PLD1: variants seen among roughly 807,000 people sequenced by gnomAD.
PLD1 encodes phospholipase D1, also known as choline phosphatase 1.
A neutral mutation model predicts 137.1 loss-of-function variants in PLD1; 112 were observed. That is an observed-to-expected ratio of 0.82 (90% CI 0.70 to 0.96). The LOEUF is 0.96. Ranked by LOEUF, PLD1 falls within the 40% of genes least tolerant of loss-of-function variation. The probability of loss-of-function intolerance (pLI) is 0.00; values close to 1 mark genes in which losing one functional copy is unlikely to be tolerated. For synonymous variants in PLD1, 431 were observed against 454.7 expected, an observed-to-expected ratio of 0.95 and a Z score of 0.66; for missense variants, 1,321 against 1,342.0, an observed-to-expected ratio of 0.98 and a Z score of 0.24.
intron 1 of PLD1, among the ~76,000 whole-genome samples, chr3:171,760,466 C>T (rs945648205): frequency 2.0e-5 from 3 of 152,188 alleles, no homozygotes; most frequent in Admixed American, 1.3e-4. Flanking sequence ...TCTCAACACT[C>T]TTATTCTGTT....
intron 25 of PLD1, among the ~76,000 whole-genome samples, chr3:171,610,126 A>T (rs1246538610): frequency 6.6e-6 from 1 of 152,208 alleles, no homozygotes; most frequent in Non-Finnish European, 1.5e-5. Flanking sequence ...TGCCAGTGAT[A>T]TAATAAGAGA....
chr3:171,744,877 A>G (rs1720032708), intron 1 of PLD1, among the ~76,000 whole-genome samples: 1 of 152,238 alleles, frequency 6.6e-6, no homozygotes, highest in Non-Finnish European at 1.5e-5. Flanking sequence ...GCAATAAGAA[A>G]TCCCATAAGA....
intron 3 of PLD1, 76 bp downstream of exon 3, chr3:171,737,456 G>A: frequency 8.2e-7 from 1 of 1,225,170 alleles, no homozygotes. Context: ...AGCTAAGAGG[G>A]AGGAAAATGA....
intron 1 of PLD1, among the ~76,000 whole-genome samples, chr3:171,760,944 A>C (rs1721351761): frequency 6.6e-6 from 1 of 152,260 alleles, no homozygotes; most frequent in Admixed American, 6.5e-5. Flanking sequence ...TTTGAAGAGC[A>C]ACAAAAGCAT....
At chr3:171,632,957 C>T (rs768317861) in intron 23 of PLD1, among the ~76,000 whole-genome samples, 8 of 152,110 alleles carry the variant, frequency 5.3e-5, no homozygotes, top group Admixed American at 3.9e-4. Flanking sequence ...ATAACTCTTA[C>T]GAAGTAATTA....
intron 16 of PLD1, among the ~76,000 whole-genome samples, chr3:171,682,107 A>AG (rs1714028605): frequency 7.6e-6 from 1 of 131,142 alleles, no homozygotes; most frequent in Non-Finnish European, 1.6e-5. Flanking sequence ...ATACAGAAAG[A>AG]AAAAGAAAGA....
intron 1 of PLD1, among the ~76,000 whole-genome samples, chr3:171,808,714 A>G (rs1054575251): frequency 2.0e-5 from 3 of 151,962 alleles, no homozygotes; most frequent in Non-Finnish European, 4.4e-5. Context: ...AAGTCTACAA[A>G]CCTAAATGAG....
intron 1 of PLD1, among the ~76,000 whole-genome samples, chr3:171,746,995 A>T (rs1030932027): frequency 2.6e-5 from 4 of 152,272 alleles, no homozygotes; most frequent in African/African-American, 9.6e-5. Flanking sequence ...CTGCAGTTTT[A>T]CTTCTCAGGC....
chr3:171,601,109 C>A lies in PLD1; in HGVS notation c.*1969G>T, dbSNP rs555029270. The A allele has an allele frequency of 6.6e-6, 1 of 152,350 alleles. No homozygotes were observed. Among genetic ancestry groups the A allele is most frequent in the South Asian group, 2.1e-4 (1 of 4,826 alleles). 9.4% of individuals were successfully genotyped at this position (152,350 alleles called of 1,614,324 possible). On this transcript the variant is annotated 3_prime_UTR_variant, in exon 27 of 27. Transcript: ENST00000351298. The stretch of plus-strand genomic sequence containing the variant: ...ATGATAAAGTGAAGAGAGAGGCCAA[C>A]AATGGGCTGCAGCAATGTTGCTAGT...
rs911112134 is a variant in PLD1, at chr3:171,698,801, T to C, written c.1227+944A>G. 1.1e-3 allele frequency among the ~76,000 whole-genome samples: 63 copies of C among 58,350 alleles called. 2 individuals carry two copies. The East Asian group carries it at 0.022, about 20-fold the overall frequency. 38.3% of individuals were successfully genotyped at this position (58,350 alleles called of 152,430 possible). On this transcript the variant is annotated intron_variant, in intron 12 of 26. Transcript: ENST00000351298. Reference sequence around the variant, plus strand: ...GGTGAAACCCCGTCTCTACTAAAAATACAAAAATACAAAAAAAAAAAAAAA... The same window carrying C: ...GGTGAAACCCCGTCTCTACTAAAAACACAAAAATACAAAAAAAAAAAAAAA...
chr3:171,675,945 T>C (rs1713306173), intron 18 of PLD1, among the ~76,000 whole-genome samples: 1 of 151,212 alleles, frequency 6.6e-6, no homozygotes, highest in Non-Finnish European at 1.5e-5. Flanking sequence ...TGGATTCAAG[T>C]GATTTTCCTG....
chr3:171,710,283 G>T (rs1003806811), intron 9 of PLD1, among the ~76,000 whole-genome samples: 1 of 151,952 alleles, frequency 6.6e-6, no homozygotes, highest in South Asian at 2.1e-4. Context: ...GGATGGTCTC[G>T]ATCTCCTGAC....
rs746438456 is a variant in PLD1 at position 171,709,543 on chromosome 3, G to A, written c.1061+17C>T. 6.2e-7 allele frequency: 1 copy of A among 1,611,324 alleles called. No individual in the cohort carries two copies. Among genetic ancestry groups the A allele is most frequent in the African/African-American group, 1.3e-5 (1 of 74,892 alleles). On this transcript the variant is annotated intron_variant, in intron 10 of 26. Coordinates refer to ENST00000351298, the MANE Select transcript of PLD1 (RefSeq NM_002662.5). ...TGCTATGACTGCCTTGACAGGCTTA[G>A]AGAAATAATAACTTACCATTTAGCT... is the stretch of plus-strand genomic sequence containing the variant.
chr3:171,734,763 G>A (rs1475631899), intron 5 of PLD1, 102 bp downstream of exon 5: 1 of 683,576 alleles, frequency 1.5e-6, no homozygotes, highest in Non-Finnish European at 2.6e-6. Context: ...ATGAGTGGAT[G>A]AGAGGAGTTG....
At chr3:171,786,774 A>G (rs1424718729) in intron 1 of PLD1, among the ~76,000 whole-genome samples, 1 of 152,166 alleles carries the variant, frequency 6.6e-6, no homozygotes, top group African/African-American at 2.4e-5. Context: ...TATATAATAA[A>G]TATCACAAAA....
Position 171,709,656 on chromosome 3 carries a change from G to GC in PLD1, c.964dup (p.Ala322GlyfsTer32). 1 of 1,613,778 alleles carries GC rather than the reference G, an allele frequency of 6.2e-7. No individual in the cohort carries two copies. The highest frequency in any genetic ancestry group is 8.5e-7 in the Non-Finnish European group (1 of 1,179,776). On this transcript the variant is annotated frameshift_variant, in exon 10 of 27. Transcript: ENST00000351298. LOFTEE classifies it high-confidence loss of function. ...ATGTTTCTGGATGAATTCTTCTATA[G>GC]CCCCTCCCCACCACCGAGCATGTCT...
At chr3:171,792,789 A>G (rs1261791277) in intron 1 of PLD1, 1 of 444,712 alleles carries the variant, frequency 2.2e-6, no homozygotes, top group African/African-American at 2.0e-5. Flanking sequence ...TGCAAACTTG[A>G]AAAAAACAAG....
chr3:171,722,730 A>C (rs1237512811), intron 8 of PLD1, among the ~76,000 whole-genome samples: 1 of 152,206 alleles, frequency 6.6e-6, no homozygotes, highest in African/African-American at 2.4e-5. Flanking sequence ...TTAAAAGTTC[A>C]CAATGCGATG....
intron 1 of PLD1, chr3:171,792,307 C>T (rs1040161681): frequency 4.1e-5 from 13 of 316,280 alleles, no homozygotes; most frequent in South Asian, 8.0e-5. Context: ...CCTGTACCTC[C>T]GTTATTGGCC....
Sources: gnomAD v4.1 joint callset for allele counts (sites outside exome capture counted in the v4.1 genomes callset) on GRCh38, gnomAD v4.1.1 for gene constraint, MANE v1.5 for transcripts, NCBI Gene and HGNC (gene_info 2026-07-23, HGNC 2026-07-21) for gene names.